The following NOX4 variants were observed in gnomAD, a reference collection of about 807,000 sequenced individuals.
NOX4 encodes the protein NADPH oxidase 4.
NOX4 carries 69 observed loss-of-function variants against 87.6 expected under a neutral mutation model. That is an observed-to-expected ratio of 0.79 (90% CI 0.65 to 0.96). The LOEUF is 0.96. NOX4 is among the 40% of genes least tolerant of loss of function. The pLI, the probability that NOX4 is intolerant of heterozygous loss-of-function variation, is 0.00. For missense variants in NOX4, 680 were observed against 681.5 expected (o/e 1.00, Z 0.02); for synonymous variants, 275 against 238.2 (o/e 1.15, Z -1.42).
the NOX4 span, among the ~76,000 whole-genome samples, chr11:89,531,181 A>T: frequency 2.9e-3 from 445 of 152,318 alleles, 1 homozygote; most frequent in African/African-American, 0.01. Context: ...CTCAAAGATC[A>T]AGTTGACCCC....
upstream of NOX4, among the ~76,000 whole-genome samples, chr11:89,493,844 G>A (rs144885656): frequency 2.2e-3 from 338 of 151,828 alleles, no homozygotes; most frequent in Middle Eastern, 6.8e-3. Context: ...CCACCTCCTG[G>A]GTTCAAGCAA....
the NOX4 span, among the ~76,000 whole-genome samples, chr11:89,541,333 G>A: frequency 6.6e-6 from 1 of 152,050 alleles, no homozygotes; most frequent in Admixed American, 6.6e-5. Flanking sequence ...CCTAAGAAGA[G>A]TTTTTTTCCC....
At chr11:89,465,442 CATACA>C in intron 2 of NOX4, among the ~76,000 whole-genome samples, 1 of 152,292 alleles carries the variant, frequency 6.6e-6, no homozygotes, top group Admixed American at 6.5e-5. Flanking sequence ...CTGCAATAAA[CATACA>C]TGTGCATGTG....
At chr11:89,442,264 G>T (rs1235089512) in intron 5 of NOX4, among the ~76,000 whole-genome samples, 2 of 151,700 alleles carry the variant, frequency 1.3e-5, no homozygotes, top group Non-Finnish European at 2.9e-5. Flanking sequence ...AAAAAACAGA[G>T]ATGAGTTGTA....
At chr11:89,431,605 C>A (rs947287798) in intron 7 of NOX4, among the ~76,000 whole-genome samples, 1 of 152,176 alleles carries the variant, frequency 6.6e-6, no homozygotes, top group African/African-American at 2.4e-5. Flanking sequence ...AAAAAATGCT[C>A]ATCATCACTG....
At chr11:89,588,437 A>G in the NOX4 span, among the ~76,000 whole-genome samples, 1 of 152,232 alleles carries the variant, frequency 6.6e-6, no homozygotes, top group African/African-American at 2.4e-5. Flanking sequence ...AAAGTGATGG[A>G]AACATTAATG....
rs368572098 is a variant in NOX4 at position 89,340,390 on chromosome 11, C to T, written c.1338-219G>A. 5.4e-4 allele frequency among the ~76,000 whole-genome samples: 74 copies of T among 138,184 alleles called. No homozygotes were observed. In the South Asian group the frequency reaches 0.015, roughly 28 times the overall value. 90.7% of individuals were successfully genotyped at this position (138,184 alleles called of 152,430 possible). On this transcript the variant is annotated intron_variant, in intron 14 of 17. Coordinates refer to ENST00000263317, the MANE Select transcript of NOX4 (RefSeq NM_016931.5). The stretch of plus-strand genomic sequence containing the variant: ...ACTGACTCAAGGATACGACATACTT[C>T]ATGAATTTAGGTGTTTAAGTGTTAA...
chr11:89,491,502 G>C, upstream of NOX4: 1 of 475,166 alleles, frequency 2.1e-6, no homozygotes, highest in East Asian at 3.7e-5. Context: ...CAGACGCCCA[G>C]CGCTCTGAGC....
chr11:89,556,219 A>G, the NOX4 span, among the ~76,000 whole-genome samples: 1 of 152,148 alleles, frequency 6.6e-6, no homozygotes, highest in Non-Finnish European at 1.5e-5. Context: ...GTATAATCAC[A>G]GCCCTAAACC....
At chr11:89,471,800 G>A (rs1161649870) in intron 2 of NOX4, among the ~76,000 whole-genome samples, 1 of 152,124 alleles carries the variant, frequency 6.6e-6, no homozygotes, top group Non-Finnish European at 1.5e-5. Context: ...GGAGTGCAAT[G>A]GTGCAATCTC....
intron 12 of NOX4, among the ~76,000 whole-genome samples, chr11:89,372,135 T>TTTTTTTTTTTTTTTTTGAGACGG (rs1939492500): frequency 6.6e-6 from 1 of 151,820 alleles, no homozygotes; most frequent in Non-Finnish European, 1.5e-5. Context: ...GCTACCTTCT[T>TTTTTTTTTTTTTTTTTGAGACGG]AACTTGTATT....
At chr11:89,561,085 A>ATATATATATC in the NOX4 span, among the ~76,000 whole-genome samples, 31 of 120,558 alleles carry the variant, frequency 2.6e-4, no homozygotes, top group African/African-American at 7.3e-4. Flanking sequence ...ATATATATAT[A>ATATATATATC]TCCTATCAGT....
chr11:89,378,281 T>C (rs569744268), intron 11 of NOX4, among the ~76,000 whole-genome samples: 1 of 152,314 alleles, frequency 6.6e-6, no homozygotes, highest in South Asian at 2.1e-4. Context: ...TTCTCGTCCC[T>C]TCATCTTCAC....
At chr11:89,413,208 C>A (rs994847173) in intron 8 of NOX4, among the ~76,000 whole-genome samples, 4 of 152,034 alleles carry the variant, frequency 2.6e-5, no homozygotes, top group African/African-American at 4.8e-5. Context: ...GAAAAGGGAA[C>A]CCTCATATAC....
chr11:89,575,037 G>A, the NOX4 span, among the ~76,000 whole-genome samples: 57 of 152,208 alleles, frequency 3.7e-4, no homozygotes, highest in South Asian at 6.2e-4. Context: ...ACAAAGATTA[G>A]CCAACCGTGG....
intron 2 of NOX4, among the ~76,000 whole-genome samples, chr11:89,461,490 A>C (rs1945461916): frequency 6.6e-6 from 1 of 151,630 alleles, no homozygotes; most frequent in African/African-American, 2.4e-5. Context: ...TAAAAATACA[A>C]AAAAATTGAC....
chr11:89,495,201 T>C (rs1209692668), upstream of NOX4, among the ~76,000 whole-genome samples: 1 of 152,166 alleles, frequency 6.6e-6, no homozygotes, highest in Non-Finnish European at 1.5e-5. Context: ...GGTATCAAAC[T>C]CCTGGGTTCA....
chr11:89,476,689 T>C (rs1404748079), intron 2 of NOX4, among the ~76,000 whole-genome samples: 1 of 152,174 alleles, frequency 6.6e-6, no homozygotes, highest in Non-Finnish European at 1.5e-5. Flanking sequence ...GATGATGCTA[T>C]TTGAAGCAGC....
At chr11:89,484,081 A>T (rs561596317) in intron 2 of NOX4, among the ~76,000 whole-genome samples, 1 of 152,194 alleles carries the variant, frequency 6.6e-6, no homozygotes, top group South Asian at 2.1e-4. Context: ...TCTTAGACTA[A>T]AGTCTAGTAT....
Sources: gnomAD v4.1 joint callset for allele counts (sites outside exome capture counted in the v4.1 genomes callset) on GRCh38, gnomAD v4.1.1 for gene constraint, MANE v1.5 for transcripts, NCBI Gene and HGNC (gene_info 2026-07-23, HGNC 2026-07-21) for gene names.